DCC: variants seen among roughly 807,000 people sequenced by gnomAD.
DCC encodes DCC netrin 1 receptor.
Under a neutral mutation model 172.5 loss-of-function variants are expected in DCC, and 58 were observed. The ratio of observed to expected loss-of-function variants is 0.34; its 90% CI spans 0.27 to 0.42. The LOEUF (loss-of-function observed/expected upper bound fraction) is 0.42, where lower values mean the gene tolerates loss of function less well. DCC is among the 10% of genes least tolerant of loss of function. DCC has a pLI of 1.00. For synonymous variants in DCC, 709 were observed against 644.5 expected (o/e 1.10, Z -1.52); for missense variants, 1,740 against 1,791.0 (o/e 0.97, Z 0.51).
intron 12 of DCC, among the ~76,000 whole-genome samples, chr18:53,218,742 A>AAATTTCTT (rs1333090994): frequency 1.3e-4 from 20 of 152,168 alleles, no homozygotes; most frequent in African/African-American, 4.8e-4. Context: ...ATGGACTTTA[A>AAATTTCTT]AATGTTACGT....
intron 25 of DCC, among the ~76,000 whole-genome samples, chr18:53,484,990 G>A (rs951141559): frequency 6.6e-6 from 1 of 152,046 alleles, no homozygotes; most frequent in Non-Finnish European, 1.5e-5. Flanking sequence ...ACAGGTGGGA[G>A]GGGGAGAGGA....
chr18:53,337,326 T>A (rs1412634069), intron 14 of DCC, among the ~76,000 whole-genome samples: 1 of 152,232 alleles, frequency 6.6e-6, no homozygotes, highest in Non-Finnish European at 1.5e-5. Context: ...AGGCAGATTA[T>A]CTTGTTGTTT....
chr18:52,729,850 T>G (rs1477755762), intron 1 of DCC, among the ~76,000 whole-genome samples: 1 of 152,100 alleles, frequency 6.6e-6, no homozygotes, highest in Non-Finnish European at 1.5e-5. Flanking sequence ...GGAAGGATCT[T>G]AGAAATCACC....
intron 7 of DCC, among the ~76,000 whole-genome samples, chr18:53,068,771 C>CTGTG (rs74683814): frequency 0.1 from 15,018 of 143,442 alleles, 895 homozygotes; most frequent in African/African-American, 0.12. Flanking sequence ...ACCTTTTAGA[C>CTGTG]TGTGTGTGTG....
chr18:53,451,730 T>A (rs1240263457), intron 23 of DCC, among the ~76,000 whole-genome samples: 1 of 151,896 alleles, frequency 6.6e-6, no homozygotes, highest in Non-Finnish European at 1.5e-5. Context: ...TCTCTCTCTC[T>A]CTCCATCTCT....
chr18:52,630,451 G>A (rs1036827039), intron 1 of DCC, among the ~76,000 whole-genome samples: 1 of 152,098 alleles, frequency 6.6e-6, no homozygotes, highest in Non-Finnish European at 1.5e-5. Context: ...TTCCTTATTC[G>A]TAAGTAGGAA....
chr18:52,568,859 CT>C (rs1376387052), intron 1 of DCC, among the ~76,000 whole-genome samples: 3 of 152,046 alleles, frequency 2.0e-5, no homozygotes, highest in South Asian at 2.1e-4. Context: ...CAAATAAGTG[CT>C]TAAAATTATT....
intron 7 of DCC, among the ~76,000 whole-genome samples, chr18:53,092,292 C>T (rs2043025154): frequency 6.6e-6 from 1 of 152,208 alleles, no homozygotes; most frequent in East Asian, 1.9e-4. Context: ...GACTCTTAAG[C>T]AGATTTGGGA....
At chr18:53,257,510 A>G (rs2056535718) in intron 12 of DCC, among the ~76,000 whole-genome samples, 1 of 152,230 alleles carries the variant, frequency 6.6e-6, no homozygotes, top group African/African-American at 2.4e-5. Context: ...ATGCTGGATT[A>G]TGTTTATTGA....
At chr18:53,346,455 T>C (rs2057726469) in intron 15 of DCC, among the ~76,000 whole-genome samples, 1 of 152,162 alleles carries the variant, frequency 6.6e-6, no homozygotes, top group African/African-American at 2.4e-5. Context: ...CTCACAACTG[T>C]GATGTTTTCT....
intron 1 of DCC, among the ~76,000 whole-genome samples, chr18:52,530,586 C>G (rs1434648393): frequency 6.6e-6 from 1 of 152,156 alleles, no homozygotes; most frequent in Non-Finnish European, 1.5e-5. Context: ...AAAACTGGAA[C>G]TTTTGTCTTT....
intron 12 of DCC, among the ~76,000 whole-genome samples, chr18:53,239,179 A>C (rs1044563269): frequency 2.7e-5 from 4 of 150,740 alleles, no homozygotes; most frequent in African/African-American, 9.8e-5. Flanking sequence ...TGTACCCTAG[A>C]ACTTAAAATA....
chr18:53,095,087 T>C (rs570859595), intron 7 of DCC, among the ~76,000 whole-genome samples: 2 of 152,370 alleles, frequency 1.3e-5, no homozygotes, highest in African/African-American at 4.8e-5. Context: ...TTATCTGTTT[T>C]GCAATTTTAA....
intron 12 of DCC, among the ~76,000 whole-genome samples, chr18:53,239,263 C>T (rs1273333006): frequency 6.7e-6 from 1 of 148,462 alleles, no homozygotes; most frequent in East Asian, 2.0e-4. Context: ...CATTACTGTT[C>T]TCCATTTTAT....
intron 27 of DCC, among the ~76,000 whole-genome samples, chr18:53,508,341 C>T (rs921148114): frequency 2.0e-5 from 3 of 152,018 alleles, no homozygotes; most frequent in Non-Finnish European, 4.4e-5. Flanking sequence ...TACAGGTGAG[C>T]GACACCTCAC....
chr18:52,398,501 A>G (rs1486773657), intron 1 of DCC, among the ~76,000 whole-genome samples: 1 of 151,956 alleles, frequency 6.6e-6, no homozygotes, highest in Non-Finnish European at 1.5e-5. Context: ...CTCCTCAATT[A>G]GATTGCACAC....
chr18:52,343,159 A>G (rs1300612036), intron 1 of DCC, among the ~76,000 whole-genome samples: 1 of 152,248 alleles, frequency 6.6e-6, no homozygotes, highest in Non-Finnish European at 1.5e-5. Flanking sequence ...GATATTGCCA[A>G]TTCACAACAC....
intron 12 of DCC, among the ~76,000 whole-genome samples, chr18:53,262,998 T>C (rs1229852160): frequency 2.0e-5 from 3 of 152,170 alleles, no homozygotes; most frequent in African/African-American, 7.2e-5. Context: ...TTGGTAAGCA[T>C]TGGCAATGAA....
At chr18:53,330,295 C>G (rs1249620330) in intron 14 of DCC, among the ~76,000 whole-genome samples, 1 of 152,010 alleles carries the variant, frequency 6.6e-6, no homozygotes. Flanking sequence ...TGACTAGTAC[C>G]AATAATCACT....
Sources: allele counts gnomAD v4.1 joint callset (sites outside exome capture counted in the v4.1 genomes callset), GRCh38; gene constraint gnomAD v4.1.1; transcripts MANE v1.5; gene names NCBI Gene and HGNC (gene_info 2026-07-23, HGNC 2026-07-21).